Variants in GNB5 observed in about 807,000 individuals in gnomAD.
The protein encoded by GNB5 is G protein subunit beta 5, also known as guanine nucleotide-binding protein subunit beta-5.
In GNB5, 37 loss-of-function variants were observed where a neutral mutation model predicts 55.3. The observed-to-expected ratio is 0.67, with a 90% confidence interval of 0.51 to 0.88. The LOEUF (loss-of-function observed/expected upper bound fraction) is 0.88. Ranked by LOEUF, GNB5 falls within the 40% of genes least tolerant of loss-of-function variation. GNB5 has a pLI of 0.00. For missense variants in GNB5, 476 were observed against 515.3 expected (o/e 0.92, Z 0.74); for synonymous variants, 219 against 198.5 (o/e 1.10, Z -0.87).
chr15:52,148,060 CAA>C (rs386382991), intron 5 of GNB5, among the ~76,000 whole-genome samples: 1 of 135,486 alleles, frequency 7.4e-6, no homozygotes, highest in Admixed American at 7.3e-5. Context: ...CTAGCAAAAG[CAA>C]AAAAAAAAAA....
chr15:52,115,491 A>G lies in GNB5; in HGVS notation c.*7266T>C, dbSNP rs1271787582. 6.6e-6 allele frequency: 1 copy of G among 152,202 alleles called. No individual in the cohort carries two copies. Among genetic ancestry groups the G allele is most frequent in the Admixed American group, 6.5e-5 (1 of 15,280 alleles). The allele number at this position is 152,202 out of a possible 1,614,324, so 9.4% of individuals were successfully genotyped here. A position where few individuals can be genotyped will look rare whatever the true frequency, so the allele number is the denominator to read the frequency against. ...AATCGGTATATACAAAGTGCTTAGC[A>G]CAGTACCTGGCACACAGTAAAAGGT... is the stretch of plus-strand genomic sequence containing the variant. On this transcript the variant is annotated 3_prime_UTR_variant, in exon 13 of 13. Coordinates refer to ENST00000261837, the MANE Select transcript of GNB5 (RefSeq NM_016194.4).
At position 52,120,476 on chromosome 15, in the gene GNB5, G is replaced by A. The variant is rs994480649; in HGVS notation, c.*2281C>T. 1 of 152,174 alleles carries A rather than the reference G, an allele frequency of 6.6e-6. No homozygotes were observed. Among genetic ancestry groups the A allele is most frequent in the Non-Finnish European group, 1.5e-5 (1 of 68,040 alleles). The allele number at this position is 152,174 out of a possible 1,614,324, so 9.4% of individuals were successfully genotyped here. ...GGCCCTTAAAGTGGCTTTTTGGATT[G>A]GAAAGTCACAGTCTACTTTGCACAT... On this transcript the variant is annotated 3_prime_UTR_variant, in exon 13 of 13. Coordinates refer to ENST00000261837, the MANE Select transcript of GNB5 (RefSeq NM_016194.4).
At position 52,117,497 on chromosome 15, in the gene GNB5, C is replaced by G. The variant is rs2033170183; in HGVS notation, c.*5260G>C. ...CCATTAACCAACTCCTCCCCACCCCCTGCTGCATCCTTTTTCTAATGACAT... is the reference window on the plus strand; with the variant it reads ...CCATTAACCAACTCCTCCCCACCCCGTGCTGCATCCTTTTTCTAATGACAT... On this transcript the variant is annotated 3_prime_UTR_variant, in exon 13 of 13. Coordinates refer to ENST00000261837, the MANE Select transcript of GNB5 (RefSeq NM_016194.4). 1 of 152,290 alleles carries G rather than the reference C, an allele frequency of 6.6e-6. No homozygotes were observed. The highest frequency in any genetic ancestry group is 1.5e-5 in the Non-Finnish European group (1 of 68,090). 9.4% of individuals were successfully genotyped at this position (152,290 alleles called of 1,614,324 possible). A position where few individuals can be genotyped will look rare whatever the true frequency, so the allele number is the denominator to read the frequency against.
chr15:52,126,263 G>C, intron 10 of GNB5: 2 of 388,440 alleles, frequency 5.1e-6, no homozygotes, highest in Non-Finnish European at 9.1e-6. Context: ...CTATGAGTCA[G>C]TAAAGAAACG....
chr15:52,122,619 C>A lies in GNB5; in HGVS notation c.*138G>T. ...ACAGTTTTAATAGTCATATTGGAGA[C>A]GCTTAGTGACCTGTGAGCCATGGGT... On this transcript the variant is annotated 3_prime_UTR_variant, in exon 13 of 13. Coordinates refer to ENST00000261837, the MANE Select transcript of GNB5 (RefSeq NM_016194.4). 1.4e-6 allele frequency: 1 copy of A among 718,212 alleles called. No homozygotes were observed. The highest frequency in any genetic ancestry group is 2.1e-5 in the Admixed American group (1 of 47,258). The allele number at this position is 718,212 out of a possible 1,614,324, so 44.5% of individuals were successfully genotyped here. A position where few individuals can be genotyped will look rare whatever the true frequency, so the allele number is the denominator to read the frequency against.
chr15:52,128,640 C>T, intron 9 of GNB5: 1 of 487,844 alleles, frequency 2.0e-6, no homozygotes, highest in Non-Finnish European at 4.0e-6. Flanking sequence ...TGACCATTTA[C>T]TACCTGCGAT....
rs1281519311 is a variant in GNB5 at position 52,120,079 on chromosome 15, A to T, written c.*2678T>A. On this transcript the variant is annotated 3_prime_UTR_variant, in exon 13 of 13. Transcript: ENST00000261837. Reference sequence around the variant, plus strand: ...CTTCATGTCACAGATATTTCCCATAAATACCCATCACCCACACCTTTCTGC... The same window carrying T: ...CTTCATGTCACAGATATTTCCCATATATACCCATCACCCACACCTTTCTGC... 1.3e-5 allele frequency: 2 copies of T among 152,144 alleles called. No individual in the cohort carries two copies. The highest frequency in any genetic ancestry group is 1.3e-4 in the Admixed American group (2 of 15,272). 9.4% of individuals were successfully genotyped at this position (152,144 alleles called of 1,614,324 possible). A position where few individuals can be genotyped will look rare whatever the true frequency, so the allele number is the denominator to read the frequency against.
chr15:52,121,649 C>T lies in GNB5; in HGVS notation c.*1108G>A, dbSNP rs918957090. On this transcript the variant is annotated 3_prime_UTR_variant, in exon 13 of 13. Coordinates refer to ENST00000261837, the MANE Select transcript of GNB5 (RefSeq NM_016194.4). ...TTGAGACGGAGTCTCGCTTTGTCAC[C>T]CAGGCTGCAGTGGCTCGACCTCGGC... 2 of 151,540 alleles carry T rather than the reference C, an allele frequency of 1.3e-5. No individual in the cohort carries two copies. Among genetic ancestry groups the T allele is most frequent in the Non-Finnish European group, 2.9e-5 (2 of 67,954 alleles). 9.4% of individuals were successfully genotyped at this position (151,540 alleles called of 1,614,324 possible).
At chr15:52,177,028 CTTTTTTTTTTTT>C (rs545411940) in intron 3 of GNB5, among the ~76,000 whole-genome samples, 7 of 77,822 alleles carry the variant, frequency 9.0e-5, no homozygotes, top group South Asian at 5.1e-4. Context: ...CTAGCTCCTC[CTTTTTTTTTTTT>C]TTTTTTTTTT....
chr15:52,116,911 T>A lies in GNB5; in HGVS notation c.*5846A>T, dbSNP rs533715578. ...CCTCATTTTTTCCTTTAAAAACCTT[T>A]GTTTTTCTTTTTTTTTTTCTTTGTT... On this transcript the variant is annotated 3_prime_UTR_variant, in exon 13 of 13. Coordinates refer to ENST00000261837, the MANE Select transcript of GNB5 (RefSeq NM_016194.4). 1 of 144,668 alleles carries A rather than the reference T, an allele frequency of 6.9e-6. No individual in the cohort carries two copies. The highest frequency in any genetic ancestry group is 2.1e-4 in the South Asian group (1 of 4,776). The allele number at this position is 144,668 out of a possible 1,614,324, so 9.0% of individuals were successfully genotyped here.
At chr15:52,174,615 C>T (rs529010625) in intron 3 of GNB5, among the ~76,000 whole-genome samples, 243 of 152,282 alleles carry the variant, frequency 1.6e-3, no homozygotes, top group Non-Finnish European at 2.9e-3. Flanking sequence ...AACTCAGTGT[C>T]TGAAGAGAGG....
chr15:52,179,706 C>G, intron 3 of GNB5, 62 bp downstream of exon 3: 2 of 945,076 alleles, frequency 2.1e-6, no homozygotes, highest in Non-Finnish European at 2.9e-6. Context: ...CCCCCGCCGT[C>G]CCCGCCCGGG....
At chr15:52,146,832 C>T (rs1041333520) in intron 6 of GNB5, among the ~76,000 whole-genome samples, 2 of 151,166 alleles carry the variant, frequency 1.3e-5, no homozygotes, top group African/African-American at 2.4e-5. Context: ...ATCCTCCTGC[C>T]TCTGCCTCCC....
rs770264463 is a variant in GNB5 at position 52,179,841 on chromosome 15, C to G, written c.165G>C (p.Ala55=). 2 of 1,554,132 alleles carry G rather than the reference C, an allele frequency of 1.3e-6. No homozygotes were observed. Among genetic ancestry groups the G allele is most frequent in the Admixed American group, 1.9e-5 (1 of 53,954 alleles). ...TEGLHENETL[A]SLKSEAESLK... The stretch of plus-strand genomic sequence containing the variant: ...GGCTCTCGGCCTCGCTCTTCAGCGA[C>G]GCCAGCGTCTCGTTCTCGTGCAGCC... The change falls in exon 3 of 13, where the codon GCG becomes GCC. Residue 55 remains alanine (A), a synonymous_variant. Transcript: ENST00000261837.
intron 6 of GNB5, chr15:52,147,156 T>G: frequency 4.0e-6 from 1 of 248,910 alleles, no homozygotes; most frequent in Non-Finnish European, 7.8e-6. Context: ...AAAGAGAGTT[T>G]TATGGTTTTG....
chr15:52,174,714 C>G (rs1233028156), intron 3 of GNB5, among the ~76,000 whole-genome samples: 1 of 152,078 alleles, frequency 6.6e-6, no homozygotes, highest in East Asian at 1.9e-4. Context: ...AAGTCCAAGC[C>G]AATAGGAGGT....
At chr15:52,136,098 CAGGGAAAAGCAGAAA>C (rs1180662313) in intron 7 of GNB5, among the ~76,000 whole-genome samples, 80 of 122,046 alleles carry the variant, frequency 6.6e-4, no homozygotes, top group South Asian at 1.4e-3. Flanking sequence ...CACACACACA[CAGGGAAAAGCAGAAA>C]ACACACACAC....
intron 8 of GNB5, among the ~76,000 whole-genome samples, chr15:52,134,985 G>A (rs1032027125): frequency 2.0e-5 from 3 of 151,880 alleles, no homozygotes; most frequent in Non-Finnish European, 2.9e-5. Context: ...TAGCGGATGC[G>A]ACTTACAGTC....
chr15:52,141,063 C>A (rs767490406), intron 7 of GNB5, 77 bp downstream of exon 7: 3 of 1,337,090 alleles, frequency 2.2e-6, no homozygotes, highest in Non-Finnish European at 3.2e-6. Flanking sequence ...AGAGAGACGC[C>A]GAAAGCTTCC....
Sources: allele counts gnomAD v4.1 joint callset (sites outside exome capture counted in the v4.1 genomes callset), GRCh38; gene constraint gnomAD v4.1.1; transcripts MANE v1.5; gene names NCBI Gene and HGNC (gene_info 2026-07-23, HGNC 2026-07-21).